PALM2AKAP2: variants seen among roughly 807,000 people sequenced by gnomAD.
PALM2AKAP2 encodes the protein PALM2 and AKAP2 fusion, also known as PALM2-AKAP2 fusion protein.
Under a neutral mutation model 71.5 loss-of-function variants are expected in PALM2AKAP2, and 37 were observed. That is an observed-to-expected ratio of 0.52 (90% CI 0.40 to 0.68). PALM2AKAP2 has a LOEUF of 0.68. PALM2AKAP2 is among the 30% of genes least tolerant of loss of function. The pLI is 0.00. For synonymous variants in PALM2AKAP2, 468 were observed against 478.8 expected (o/e 0.98, Z 0.29); for missense variants, 1,224 against 1,191.8 (o/e 1.03, Z -0.40).
At chr9:109,877,163 T>C (rs1379551795) in intron 2 of PALM2AKAP2, among the ~76,000 whole-genome samples, 1 of 152,084 alleles carries the variant, frequency 6.6e-6, no homozygotes, top group African/African-American at 2.4e-5. Context: ...AGGATGTCTA[T>C]CCCCCAGAAT....
chr9:110,023,680 T>G (rs985625767), intron 7 of PALM2AKAP2, among the ~76,000 whole-genome samples: 1 of 151,216 alleles, frequency 6.6e-6, no homozygotes, highest in Non-Finnish European at 1.5e-5. Context: ...CTCTCCTTCA[T>G]AGCCACTCAC....
intron 1 of PALM2AKAP2, among the ~76,000 whole-genome samples, chr9:109,693,009 T>A: frequency 6.6e-6 from 1 of 151,952 alleles, no homozygotes. Context: ...CTTGAAAGTG[T>A]TCCCTTTCTT....
chr9:109,902,606 G>T (rs1830354895), intron 3 of PALM2AKAP2, among the ~76,000 whole-genome samples: 1 of 152,216 alleles, frequency 6.6e-6, no homozygotes, highest in Non-Finnish European at 1.5e-5. Context: ...TGCTACTTCT[G>T]TTGAATTCAA....
intron 1 of PALM2AKAP2, among the ~76,000 whole-genome samples, chr9:109,818,142 T>C (rs1827899224): frequency 6.6e-6 from 1 of 152,202 alleles, no homozygotes; most frequent in Non-Finnish European, 1.5e-5. Context: ...AAAAATAGTG[T>C]ACGCTAATGA....
chr9:109,699,869 G>A (rs769510408), intron 1 of PALM2AKAP2, among the ~76,000 whole-genome samples: 25 of 151,480 alleles, frequency 1.7e-4, no homozygotes, highest in Non-Finnish European at 2.9e-4. Flanking sequence ...TCCGCCTCCC[G>A]GGTTCAAGCA....
intron 1 of PALM2AKAP2, among the ~76,000 whole-genome samples, chr9:109,860,001 C>G (rs1210222511): frequency 6.6e-6 from 1 of 152,232 alleles, no homozygotes; most frequent in East Asian, 1.9e-4. Context: ...CTCCATTTAG[C>G]TAACTACATA....
chr9:110,006,509 T>C (rs1319508380), intron 6 of PALM2AKAP2, among the ~76,000 whole-genome samples: 1 of 151,806 alleles, frequency 6.6e-6, no homozygotes, highest in Non-Finnish European at 1.5e-5. Context: ...CTTAGACCTA[T>C]GCCACCATGC....
chr9:110,043,714 G>GTTTTTTTTTTTTTTTTTTTTTTT (rs71492869), upstream of PALM2AKAP2, among the ~76,000 whole-genome samples: 1 of 98,410 alleles, frequency 1.0e-5, no homozygotes, highest in African/African-American at 4.4e-5. Flanking sequence ...GTTTTTTTTG[G>GTTTTTTTTTTTTTTTTTTTTTTT]TGTTTTTTTT....
intron 1 of PALM2AKAP2, among the ~76,000 whole-genome samples, chr9:109,711,218 A>G (rs1451559933): frequency 1.3e-5 from 2 of 152,146 alleles, no homozygotes; most frequent in African/African-American, 2.4e-5. Context: ...TGGTTAAAAG[A>G]TTATGGGTTC....
chr9:109,880,423 A>G, intron 2 of PALM2AKAP2, 128 bp from the exon 3 acceptor site: 1 of 1,361,732 alleles, frequency 7.3e-7, no homozygotes. Context: ...CATGTTAGTG[A>G]GGAGGTGAAG....
At chr9:110,164,573 C>G (rs1836686772) in intron 3 of PALM2AKAP2, among the ~76,000 whole-genome samples, 1 of 149,730 alleles carries the variant, frequency 6.7e-6, no homozygotes, top group South Asian at 2.1e-4. Flanking sequence ...CTCTGTCACC[C>G]AGGCTGAAGT....
chr9:109,680,293 G>A (rs1162423470), intron 1 of PALM2AKAP2, among the ~76,000 whole-genome samples: 1 of 152,176 alleles, frequency 6.6e-6, no homozygotes, highest in African/African-American at 2.4e-5. Context: ...CGTACAGATG[G>A]GTCCATTTTA....
intron 6 of PALM2AKAP2, among the ~76,000 whole-genome samples, chr9:109,941,393 G>C (rs1831362952): frequency 6.6e-6 from 1 of 152,136 alleles, no homozygotes; most frequent in Non-Finnish European, 1.5e-5. Context: ...GGAGATGGAT[G>C]AGATATATCT....
At chr9:109,894,015 T>G (rs1347858770) in intron 3 of PALM2AKAP2, among the ~76,000 whole-genome samples, 2 of 137,710 alleles carry the variant, frequency 1.5e-5, no homozygotes, top group African/African-American at 5.3e-5. Context: ...TGCTTTCCAG[T>G]TGCTTATTTA....
chr9:109,673,331 T>C (rs1827603461), intron 1 of PALM2AKAP2, among the ~76,000 whole-genome samples: 1 of 151,778 alleles, frequency 6.6e-6, no homozygotes. Flanking sequence ...GTTTCAGAGA[T>C]CTTGACTACT....
intron 1 of PALM2AKAP2, among the ~76,000 whole-genome samples, chr9:109,858,797 A>G (rs2769143): frequency 0.29 from 44,314 of 152,074 alleles, 7,616 homozygotes; most frequent in Non-Finnish European, 0.38. Context: ...ATCAGAGCCC[A>G]TATCAGACCA....
intron 1 of PALM2AKAP2, among the ~76,000 whole-genome samples, chr9:110,091,831 G>A (rs1258164379): frequency 1.3e-5 from 2 of 152,092 alleles, no homozygotes; most frequent in Non-Finnish European, 2.9e-5. Context: ...TATGAGTTTA[G>A]ATAAATGCTT....
intron 1 of PALM2AKAP2, among the ~76,000 whole-genome samples, chr9:109,671,980 G>T (rs1827580170): frequency 6.6e-6 from 1 of 152,060 alleles, no homozygotes; most frequent in South Asian, 2.1e-4. Flanking sequence ...TTGTTTATCA[G>T]CATCAGCTTC....
At chr9:109,840,884 A>C (rs939897358) in intron 1 of PALM2AKAP2, among the ~76,000 whole-genome samples, 1 of 152,210 alleles carries the variant, frequency 6.6e-6, no homozygotes, top group African/African-American at 2.4e-5. Context: ...GCTGGAGAGG[A>C]TGTGGAGAAA....
Sources: gnomAD v4.1 joint callset for allele counts (sites outside exome capture counted in the v4.1 genomes callset) on GRCh38, gnomAD v4.1.1 for gene constraint, MANE v1.5 for transcripts, NCBI Gene and HGNC (gene_info 2026-07-23, HGNC 2026-07-21) for gene names.